FADS2: variants seen among roughly 807,000 people sequenced by gnomAD.
FADS2 encodes fatty acid desaturase 2, also known as acyl-CoA 6-desaturase.
Under a neutral mutation model 61.2 loss-of-function variants are expected in FADS2, and 18 were observed. That is an observed-to-expected ratio of 0.29 (90% CI 0.20 to 0.44). The LOEUF (loss-of-function observed/expected upper bound fraction) is 0.44, where lower values mean the gene tolerates loss of function less well. Among genes scored for constraint, FADS2 ranks in the 20% least tolerant of loss-of-function variants. The pLI is 1.00. For missense variants in FADS2, 322 were observed against 572.7 expected, an observed-to-expected ratio of 0.56 and a Z score of 4.47; for synonymous variants, 203 against 223.9, an observed-to-expected ratio of 0.91 and a Z score of 0.83.
chr11:61,863,133 A>G (rs2067431963), intron 8 of FADS2, 64 bp downstream of exon 8: 7 of 1,521,366 alleles, frequency 4.6e-6, no homozygotes, highest in Non-Finnish European at 6.4e-6. Flanking sequence ...CTTTGGCATG[A>G]GAAGAGGCTC....
upstream of FADS2, chr11:61,816,249 C>T: frequency 6.3e-7 from 1 of 1,597,140 alleles, no homozygotes. The surrounding 1 kb of genome is among the most constrained non-coding windows in gnomAD (Gnocchi z 7.0). Flanking sequence ...GGGTTCTGTC[C>T]CCGCCCAGAG....
intron 1 of FADS2, among the ~76,000 whole-genome samples, chr11:61,817,383 G>C (rs956309423): frequency 6.6e-6 from 1 of 152,216 alleles, no homozygotes; most frequent in African/African-American, 2.4e-5. Context: ...CAGCCTGAGA[G>C]CCCTTGAAAG....
At chr11:61,842,935 C>T (rs527790928) in intron 4 of FADS2, among the ~76,000 whole-genome samples, 6 of 152,324 alleles carry the variant, frequency 3.9e-5, no homozygotes, top group Non-Finnish European at 8.8e-5. Flanking sequence ...GAGTAGGTTA[C>T]CAGGTGCTGT....
upstream of FADS2, among the ~76,000 whole-genome samples, chr11:61,824,443 GGAGGGAGGGAGGGA>G (rs2067058564): frequency 2.0e-4 from 1 of 5,054 alleles, no homozygotes; most frequent in African/African-American, 6.3e-4. Context: ...AGGGAGGGAG[GGAGGGAGGGAGGGA>G]GGGAGAGAGA....
chr11:61,844,871 G>A (rs1424354180), intron 4 of FADS2, among the ~76,000 whole-genome samples: 1 of 150,810 alleles, frequency 6.6e-6, no homozygotes, highest in Non-Finnish European at 1.5e-5. Flanking sequence ...GTTGCAGTGA[G>A]CCGAGACTGC....
At chr11:61,834,988 C>T (rs539910723) in intron 1 of FADS2, among the ~76,000 whole-genome samples, 1 of 109,292 alleles carries the variant, frequency 9.1e-6, no homozygotes, top group Non-Finnish European at 2.0e-5. Context: ...CCTGCCCCCC[C>T]ACCCCAGCCC....
At chr11:61,859,113 A>G (rs1032806249) in intron 7 of FADS2, among the ~76,000 whole-genome samples, 4 of 151,898 alleles carry the variant, frequency 2.6e-5, no homozygotes, top group African/African-American at 9.7e-5. Context: ...GCTGGAGTAC[A>G]ATGGCGTGAT....
At chr11:61,861,371 A>AAAAAAAAAAAAAAAAAAAAAAC (rs1555078396) in intron 7 of FADS2, among the ~76,000 whole-genome samples, 5 of 106,456 alleles carry the variant, frequency 4.7e-5, no homozygotes, top group Non-Finnish European at 1.1e-4. Flanking sequence ...AAAAAAAAAA[A>AAAAAAAAAAAAAAAAAAAAAAC]CAGAAATTAG....
intron 1 of FADS2, among the ~76,000 whole-genome samples, chr11:61,829,924 G>A (rs1271732041): frequency 6.6e-6 from 1 of 152,190 alleles, no homozygotes; most frequent in African/African-American, 2.4e-5. Flanking sequence ...GGGCCAGCAG[G>A]GCCAGGGCTT....
intron 1 of FADS2, chr11:61,817,173 CCAG>C: frequency 2.7e-6 from 1 of 365,420 alleles, no homozygotes; most frequent in Non-Finnish European, 4.8e-6. Flanking sequence ...GACTGAGGGG[CCAG>C]GGCTGCGGGG....
chr11:61,840,581 G>A (rs201080746), intron 3 of FADS2, 43 bp from the exon 4 acceptor site: 1 of 1,613,404 alleles, frequency 6.2e-7, no homozygotes, highest in South Asian at 1.1e-5. Flanking sequence ...CCTGGTGCCT[G>A]TTTGCTGAGG....
intron 5 of FADS2, chr11:61,848,744 G>A (rs1457210456): frequency 1.8e-5 from 3 of 168,020 alleles, no homozygotes; most frequent in South Asian, 1.6e-4. Flanking sequence ...AAGCTTGGTC[G>A]CCAACCGACT....
chr11:61,860,696 A>G (rs1267878379), intron 7 of FADS2, among the ~76,000 whole-genome samples: 6 of 151,676 alleles, frequency 4.0e-5, no homozygotes, highest in African/African-American at 7.3e-5. Context: ...GGTGGGAGGG[A>G]TCACCTGAAG....
chr11:61,824,169 G>T (rs2067051467), upstream of FADS2, among the ~76,000 whole-genome samples: 1 of 151,704 alleles, frequency 6.6e-6, no homozygotes, highest in South Asian at 2.1e-4. Flanking sequence ...ATCACCTGAG[G>T]TCGGGAGTTC....
intron 5 of FADS2, among the ~76,000 whole-genome samples, chr11:61,853,606 C>A (rs1433402953): frequency 1.3e-5 from 2 of 152,048 alleles, no homozygotes; most frequent in African/African-American, 4.8e-5. Context: ...TCCGGGAAAC[C>A]ACCTCTGCTG....
At position 61,816,541 on chromosome 11, in the gene FADS2, C is replaced by T. The variant is rs2066985832; in HGVS notation, c.141+115C>T. 2 of 1,599,552 alleles carry T rather than the reference C, an allele frequency of 1.3e-6. No homozygotes were observed. The highest frequency in any genetic ancestry group is 1.1e-5 in the South Asian group (1 of 89,344). On this transcript the variant is annotated intron_variant, in intron 1 of 11. Transcript: ENST00000257261. This position sits in a 1 kb window ranked among gnomAD's most constrained non-coding sequence, Gnocchi z 7.0. ...GTCCCGCCCTCTCCTGTGCCCCCGC[C>T]TGGCTGCGCTCACCGTGGCATCCTG...
chr11:61,846,932 G>GTTTATTGAGATACAGTTCTCACTTTTTT, intron 4 of FADS2: 1 of 150,504 alleles, frequency 6.6e-6, no homozygotes. Context: ...TCTCCAAATC[G>GTTTATTGAGATACAGTTCTCACTTTTTT]TTTATTGAGA....
intron 7 of FADS2, among the ~76,000 whole-genome samples, chr11:61,858,514 G>A (rs2067384613): frequency 1.3e-5 from 2 of 151,898 alleles, no homozygotes; most frequent in South Asian, 2.1e-4. Flanking sequence ...CACCAAAAGT[G>A]GATTCTTGAA....
At chr11:61,833,237 A>C (rs2067143761) in intron 1 of FADS2, among the ~76,000 whole-genome samples, 1 of 152,176 alleles carries the variant, frequency 6.6e-6, no homozygotes, top group Admixed American at 6.5e-5. Flanking sequence ...CTCTTCCTGG[A>C]AAGTCTCTGG....
Sources: allele counts gnomAD v4.1 joint callset (sites outside exome capture counted in the v4.1 genomes callset), GRCh38; gene constraint gnomAD v4.1.1; non-coding constraint Gnocchi (gnomAD v3.1); transcripts MANE v1.5; gene names NCBI Gene and HGNC (gene_info 2026-07-23, HGNC 2026-07-21).